The following FHIT variants were observed in gnomAD, a reference collection of about 807,000 sequenced individuals.
The protein encoded by FHIT is bis(5'-adenosyl)-triphosphatase.
In FHIT, 19 loss-of-function variants were observed where a neutral mutation model predicts 17.9. The observed-to-expected ratio is 1.06, with a 90% CI of 0.74 to 1.56. FHIT has a LOEUF of 1.56. FHIT is among the 40% of genes most tolerant of loss of function. FHIT has a pLI of 0.00. For missense variants in FHIT, 248 were observed against 189.2 expected, an observed-to-expected ratio of 1.31 and a Z score of -1.82; for synonymous variants, 81 against 69.7, an observed-to-expected ratio of 1.16 and a Z score of -0.81.
intron 5 of FHIT, among the ~76,000 whole-genome samples, chr3:60,524,642 A>G (rs1233991145): frequency 6.6e-6 from 1 of 152,190 alleles, no homozygotes; most frequent in East Asian, 1.9e-4. Flanking sequence ...TCCAGGTGTC[A>G]GCAGGGCCAC....
chr3:60,098,589 T>G (rs1704064220), intron 5 of FHIT, among the ~76,000 whole-genome samples: 1 of 152,220 alleles, frequency 6.6e-6, no homozygotes, highest in Admixed American at 6.5e-5. Context: ...TAAATTTGTT[T>G]GAGTTCATTG....
chr3:60,846,119 C>G lies in FHIT; in HGVS notation c.-110-24108G>C, dbSNP rs1702917369. 2.0e-5 allele frequency among the ~76,000 whole-genome samples: 3 copies of G among 152,136 alleles called. No individual in the cohort carries two copies. In the South Asian group the frequency reaches 6.2e-4, roughly 31 times the overall value. On this transcript the variant is annotated intron_variant, in intron 3 of 9. Coordinates refer to ENST00000492590, the MANE Select transcript of FHIT (RefSeq NM_002012.4). The stretch of plus-strand genomic sequence containing the variant: ...GCTGGAATCTGAGGGCTCTGCTTGT[C>G]TTTAACAGCTTAGCTACATTGTTAG...
intron 2 of FHIT, among the ~76,000 whole-genome samples, chr3:61,127,703 A>G (rs952562270): frequency 6.8e-6 from 1 of 147,384 alleles, no homozygotes; most frequent in Non-Finnish European, 1.5e-5. Flanking sequence ...CATCTCTACT[A>G]AAGATACAAA....
intron 5 of FHIT, among the ~76,000 whole-genome samples, chr3:60,214,958 C>T (rs905532109): frequency 6.6e-6 from 1 of 152,008 alleles, no homozygotes; most frequent in Admixed American, 6.6e-5. Flanking sequence ...TAAGTGGGAG[C>T]TAAACATTGA....
At chr3:60,215,744 C>A (rs1031108999) in intron 5 of FHIT, among the ~76,000 whole-genome samples, 1 of 152,032 alleles carries the variant, frequency 6.6e-6, no homozygotes, top group Admixed American at 6.6e-5. Context: ...GAATGAAGAG[C>A]AAATAATAGT....
At chr3:60,382,690 T>C (rs1700855005) in intron 5 of FHIT, among the ~76,000 whole-genome samples, 2 of 152,024 alleles carry the variant, frequency 1.3e-5, no homozygotes, top group South Asian at 2.1e-4. Context: ...TAATCAGAGG[T>C]TTTTTTACCC....
At chr3:60,305,903 TA>T (rs1375298662) in intron 5 of FHIT, among the ~76,000 whole-genome samples, 2 of 152,188 alleles carry the variant, frequency 1.3e-5, no homozygotes, top group East Asian at 3.9e-4. Context: ...TTGGAATTTT[TA>T]TTGAACTTGA....
chr3:60,004,522 G>A (rs1383139698), intron 7 of FHIT, among the ~76,000 whole-genome samples: 1 of 152,028 alleles, frequency 6.6e-6, no homozygotes, highest in Non-Finnish European at 1.5e-5. Flanking sequence ...ATTTTTAGAT[G>A]GAAACCAACA....
chr3:60,427,767 T>G (rs1702726575), intron 5 of FHIT, among the ~76,000 whole-genome samples: 1 of 152,150 alleles, frequency 6.6e-6, no homozygotes. Flanking sequence ...CTATTTTTCC[T>G]ACTGCCTGCT....
chr3:60,423,763 A>T (rs1702561461), intron 5 of FHIT, among the ~76,000 whole-genome samples: 1 of 152,174 alleles, frequency 6.6e-6, no homozygotes, highest in African/African-American at 2.4e-5. Flanking sequence ...AGCACACCTG[A>T]AACTACCACA....
At chr3:61,091,936 TAAAAAAAAAAAAAAAAAA>T (rs58005720) in intron 2 of FHIT, among the ~76,000 whole-genome samples, 1 of 61,276 alleles carries the variant, frequency 1.6e-5, no homozygotes, top group South Asian at 7.0e-4. Flanking sequence ...AGACCTTGTC[TAAAAAAAAAAAAAAAAAA>T]AAAAAAAAAG....
intron 7 of FHIT, among the ~76,000 whole-genome samples, chr3:59,981,900 C>T (rs1244422306): frequency 6.6e-6 from 1 of 151,850 alleles, no homozygotes; most frequent in African/African-American, 2.4e-5. Flanking sequence ...AAAAATATCC[C>T]ACAGGATTCA....
At chr3:60,243,680 C>T (rs574140824) in intron 5 of FHIT, among the ~76,000 whole-genome samples, 20 of 152,180 alleles carry the variant, frequency 1.3e-4, no homozygotes, top group East Asian at 5.8e-4. Context: ...CACCTACAAC[C>T]GTGAGGAATG....
At chr3:61,008,571 G>T (rs921040301) in intron 3 of FHIT, among the ~76,000 whole-genome samples, 2 of 152,152 alleles carry the variant, frequency 1.3e-5, no homozygotes, top group Admixed American at 1.3e-4. Context: ...AACAGTTATT[G>T]GGTTGAGTCT....
intron 4 of FHIT, among the ~76,000 whole-genome samples, chr3:60,624,031 C>G (rs2039209805): frequency 6.6e-6 from 1 of 152,142 alleles, no homozygotes. Flanking sequence ...TATAGTAATA[C>G]AGAGAAAAAC....
intron 8 of FHIT, among the ~76,000 whole-genome samples, chr3:59,806,129 C>T (rs766426054): frequency 8.7e-5 from 13 of 149,320 alleles, no homozygotes; most frequent in Non-Finnish European, 1.5e-4. Flanking sequence ...TGCAGTGAGC[C>T]GAGATCACAC....
intron 5 of FHIT, among the ~76,000 whole-genome samples, chr3:60,424,026 G>C (rs1195313538): frequency 6.6e-6 from 1 of 152,066 alleles, no homozygotes; most frequent in Non-Finnish European, 1.5e-5. Context: ...TAGTGATAAA[G>C]GTAAACACTT....
intron 1 of FHIT, among the ~76,000 whole-genome samples, chr3:61,210,383 G>T (rs1241675044): frequency 6.6e-6 from 1 of 152,234 alleles, no homozygotes; most frequent in African/African-American, 2.4e-5. Context: ...CCTTTTGTTT[G>T]TCTGTGCCCG....
intron 5 of FHIT, among the ~76,000 whole-genome samples, chr3:60,436,499 C>G (rs2030257863): frequency 6.6e-6 from 1 of 152,098 alleles, no homozygotes; most frequent in Non-Finnish European, 1.5e-5. Flanking sequence ...TAAAACAGAC[C>G]AACAGAAGCT....
Sources: gnomAD v4.1 joint callset for allele counts (sites outside exome capture counted in the v4.1 genomes callset) on GRCh38, gnomAD v4.1.1 for gene constraint, MANE v1.5 for transcripts, NCBI Gene and HGNC (gene_info 2026-07-23, HGNC 2026-07-21) for gene names.